CFAP91: variants seen among roughly 807,000 people sequenced by gnomAD.
CFAP91 encodes the protein cilia and flagella associated protein 91, also known as cilia- and flagella-associated protein 91.
A neutral mutation model predicts 95.9 loss-of-function variants in CFAP91; 85 were observed. The ratio of observed to expected loss-of-function variants is 0.89; its 90% CI spans 0.74 to 1.06. The LOEUF is 1.06. CFAP91 is among the 50% of genes least tolerant of loss of function. CFAP91 has a pLI of 0.00. For synonymous variants in CFAP91, 335 were observed against 327.5 expected (o/e 1.02, Z -0.25); for missense variants, 962 against 943.4 (o/e 1.02, Z -0.26).
intron 6 of CFAP91, among the ~76,000 whole-genome samples, chr3:119,723,938 T>A (rs1386672638): frequency 3.3e-5 from 5 of 151,788 alleles, no homozygotes; most frequent in Admixed American, 3.3e-4. Flanking sequence ...AGCTAGCAGA[T>A]CACCTGAGGT....
rs754876286 is a variant in CFAP91, at chr3:119,707,561, CGTAA to C, written c.359+3_359+6del. 6.4e-7 allele frequency: 1 copy of C among 1,560,032 alleles called. No individual in the cohort carries two copies. Among genetic ancestry groups the C allele is most frequent in the African/African-American group, 1.4e-5 (1 of 74,026 alleles). ...AGAGAAGCCCTCCGGCAGCTCACCA[CGTAA>C]GTGTCGGGTGGCTCCAGGGCCTAAA... On this transcript the variant is annotated splice_donor_variant and splice_donor_region_variant and intron_variant, in intron 3 of 17. Transcript: ENST00000273390. LOFTEE classifies it high-confidence loss of function.
chr3:119,748,136 C>T (rs1329619792), intron 16 of CFAP91, among the ~76,000 whole-genome samples: 2 of 152,098 alleles, frequency 1.3e-5, no homozygotes, highest in Non-Finnish European at 2.9e-5. Context: ...AAAATCCAAA[C>T]CTTGTTTAAA....
chr3:119,709,672 C>T (rs1275694800), intron 4 of CFAP91, among the ~76,000 whole-genome samples, 167 bp from the exon 5 acceptor site: 6 of 152,172 alleles, frequency 3.9e-5, no homozygotes, highest in African/African-American at 1.4e-4. Flanking sequence ...TAGACAAGAA[C>T]CTCCCCACCC....
At chr3:119,748,870 A>C (rs2107910333) in intron 16 of CFAP91, among the ~76,000 whole-genome samples, 1 of 152,280 alleles carries the variant, frequency 6.6e-6, no homozygotes, top group East Asian at 1.9e-4. Flanking sequence ...TTAACAGTGC[A>C]ATTGCTGGGA....
At chr3:119,733,343 A>C in intron 9 of CFAP91, 21 bp from the exon 10 acceptor site, 1 of 1,612,094 alleles carries the variant, frequency 6.2e-7, no homozygotes, top group Non-Finnish European at 8.5e-7. Context: ...GATACTAAAA[A>C]CATGTGCTTC....
At chr3:119,723,947 G>C (rs911209383) in intron 6 of CFAP91, among the ~76,000 whole-genome samples, 2 of 151,814 alleles carry the variant, frequency 1.3e-5, no homozygotes, top group South Asian at 4.2e-4. Flanking sequence ...ATCACCTGAG[G>C]TCAGGAGTTT....
At position 119,744,122 on chromosome 3, in the gene CFAP91, C is replaced by A. The variant is rs747028037; in HGVS notation, c.1828C>A (p.Arg610=). Residue 610 remains arginine, a synonymous_variant, in exon 14 of 18, where the codon CGA becomes AGA. Coordinates refer to ENST00000273390, the MANE Select transcript of CFAP91 (RefSeq NM_033364.4). ...GCTGGCTGAGCGCCAGCGGCGGGTA[C>A]GAGAGGCTGAAGAGAGTGGTCGGCG... ...VMLAERQRRV[R]EAEESGRRQV... 4 of 1,613,784 alleles carry A rather than the reference C, an allele frequency of 2.5e-6. No individual in the cohort carries two copies. In the African/African-American group the frequency reaches 5.3e-5, roughly 22 times the overall value.
intron 7 of CFAP91, among the ~76,000 whole-genome samples, chr3:119,728,619 C>T (rs2053831044): frequency 6.6e-6 from 1 of 152,180 alleles, no homozygotes; most frequent in Non-Finnish European, 1.5e-5. Context: ...CCTACCTCTC[C>T]ATACTCATTT....
chr3:119,717,814 A>G (rs1015055565), intron 6 of CFAP91, among the ~76,000 whole-genome samples: 1 of 152,176 alleles, frequency 6.6e-6, no homozygotes, highest in East Asian at 1.9e-4. Context: ...CTTGGGCTTC[A>G]GGGTGAAGAA....
chr3:119,752,802 A>G (rs2054350189), intron 17 of CFAP91, among the ~76,000 whole-genome samples: 1 of 152,208 alleles, frequency 6.6e-6, no homozygotes, highest in Non-Finnish European at 1.5e-5. Context: ...ATTAAAGCCT[A>G]TGTAAAGCAT....
At chr3:119,705,427 A>G (rs1221345449) in intron 1 of CFAP91, among the ~76,000 whole-genome samples, 4 of 151,888 alleles carry the variant, frequency 2.6e-5, no homozygotes, top group African/African-American at 9.7e-5. Context: ...CCCCTCCTTC[A>G]TTCTGCCTCA....
chr3:119,732,522 C>T (rs2053922916), intron 9 of CFAP91, 46 bp downstream of exon 9: 8 of 1,240,346 alleles, frequency 6.4e-6, no homozygotes, highest in Non-Finnish European at 9.0e-6. Context: ...AAGGTTGTCT[C>T]AGAAATATGA....
chr3:119,715,682 A>G lies in CFAP91; in HGVS notation c.621A>G (p.Ala207=). Residue 207 remains alanine, a synonymous_variant, in exon 6 of 18, where the codon GCA becomes GCG. Transcript: ENST00000273390. ...ACGTTCAAACAGATCCATACTCTGC[A>G]GAATATGTAGTATGTCAGGACTCAA... ...DADVQTDPYS[A]EYVVCQDSIP... is the part of the protein sequence containing the mutation. 6.2e-7 allele frequency: 1 copy of G among 1,613,994 alleles called. No individual in the cohort carries two copies. The highest frequency in any genetic ancestry group is 1.7e-5 in the Admixed American group (1 of 60,022).
At chr3:119,729,677 A>G (rs2107884108) in intron 7 of CFAP91, among the ~76,000 whole-genome samples, 1 of 152,262 alleles carries the variant, frequency 6.6e-6, no homozygotes, top group Middle Eastern at 3.4e-3. Context: ...AGAAATATCT[A>G]AGCTGGAGGT....
At chr3:119,742,449 C>G (rs2054140033) in intron 13 of CFAP91, among the ~76,000 whole-genome samples, 1 of 152,184 alleles carries the variant, frequency 6.6e-6, no homozygotes, top group Non-Finnish European at 1.5e-5. Context: ...TAAACATTTC[C>G]CTTAATTTCA....
chr3:119,755,328 T>G (rs903718165), intron 17 of CFAP91, among the ~76,000 whole-genome samples: 5 of 152,166 alleles, frequency 3.3e-5, no homozygotes. Flanking sequence ...ATGCGTATGT[T>G]GAAGCTATAA....
intron 17 of CFAP91, 75 bp downstream of exon 17, chr3:119,751,173 T>C: frequency 6.8e-7 from 1 of 1,461,720 alleles, no homozygotes; most frequent in Non-Finnish European, 9.2e-7. Flanking sequence ...TGTGCTGTGC[T>C]CAAACAATCA....
In CFAP91 at chr3:119,714,961, A is replaced by G. The variant is rs187205424; in HGVS notation, c.501-601A>G. Among the ~76,000 whole-genome samples, 10 of 152,282 alleles carry G rather than the reference A, an allele frequency of 6.6e-5. No individual in the cohort carries two copies. In the East Asian group the frequency reaches 7.7e-4, roughly 12 times the overall value. Reference sequence around the variant, plus strand: ...TCTCATTTTTACATTAATTTTTTTAAAGATCTGGAATTAATTTTTCTGCAA... The same window carrying G: ...TCTCATTTTTACATTAATTTTTTTAGAGATCTGGAATTAATTTTTCTGCAA... On this transcript the variant is annotated intron_variant, in intron 5 of 17. Coordinates refer to ENST00000273390, the MANE Select transcript of CFAP91 (RefSeq NM_033364.4).
intron 7 of CFAP91, among the ~76,000 whole-genome samples, chr3:119,726,639 ATTC>A (rs897454405): frequency 7.9e-5 from 12 of 152,110 alleles, no homozygotes; most frequent in African/African-American, 2.9e-4. Context: ...GGCATCTCTG[ATTC>A]TTCTTTTCCC....
Sources: allele counts gnomAD v4.1 joint callset (sites outside exome capture counted in the v4.1 genomes callset), GRCh38; gene constraint gnomAD v4.1.1; transcripts MANE v1.5; gene names NCBI Gene and HGNC (gene_info 2026-07-23, HGNC 2026-07-21).